The following ZNF385B variants were observed in gnomAD, a reference collection of about 807,000 sequenced individuals.
ZNF385B encodes the protein zinc finger protein 385B, also known as zinc finger protein 533.
ZNF385B carries 23 observed loss-of-function variants against 39.2 expected under a neutral mutation model. That is an observed-to-expected ratio of 0.59 (90% CI 0.42 to 0.83). The LOEUF (loss-of-function observed/expected upper bound fraction) is 0.83, where lower values mean the gene tolerates loss of function less well. Among genes scored for constraint, ZNF385B ranks in the 40% least tolerant of loss-of-function variants. The pLI, the probability that ZNF385B is intolerant of heterozygous loss-of-function variation, is 0.00. For synonymous variants in ZNF385B, 205 were observed against 222.6 expected (o/e 0.92, Z 0.70); for missense variants, 552 against 598.9 (o/e 0.92, Z 0.82).
At chr2:179,473,231 A>G (rs770235072) in intron 6 of ZNF385B, among the ~76,000 whole-genome samples, 2 of 152,140 alleles carry the variant, frequency 1.3e-5, no homozygotes, top group African/African-American at 4.8e-5. Flanking sequence ...GGCTCATGAA[A>G]CCTTAATATC....
At chr2:179,580,278 C>T (rs1304015206) in intron 3 of ZNF385B, among the ~76,000 whole-genome samples, 1 of 152,032 alleles carries the variant, frequency 6.6e-6, no homozygotes, top group Non-Finnish European at 1.5e-5. Flanking sequence ...CCAAACACTG[C>T]CATTAAACCA....
intron 1 of ZNF385B, among the ~76,000 whole-genome samples, chr2:179,833,804 C>G (rs537059964): frequency 1.8e-4 from 27 of 152,156 alleles, no homozygotes; most frequent in African/African-American, 5.5e-4. Context: ...CAATAAATAA[C>G]ATAACTGTAC....
At chr2:179,562,056 A>C (rs1488212825) in intron 3 of ZNF385B, among the ~76,000 whole-genome samples, 1 of 152,202 alleles carries the variant, frequency 6.6e-6, no homozygotes, top group Non-Finnish European at 1.5e-5. Context: ...GTTCTAACAT[A>C]GTTGAATTGA....
chr2:179,735,257 T>C (rs1289853583), intron 3 of ZNF385B, among the ~76,000 whole-genome samples: 2 of 149,908 alleles, frequency 1.3e-5, no homozygotes, highest in South Asian at 2.1e-4. Context: ...AAGACATTTA[T>C]GCAGCCAAAA....
intron 1 of ZNF385B, among the ~76,000 whole-genome samples, chr2:179,845,526 G>A (rs978007747): frequency 1.3e-5 from 2 of 152,162 alleles, no homozygotes; most frequent in African/African-American, 4.8e-5. Context: ...CAAGGATAAA[G>A]TCATCATCCA....
At chr2:179,811,684 G>A (rs899300075) in intron 1 of ZNF385B, among the ~76,000 whole-genome samples, 6 of 151,544 alleles carry the variant, frequency 4.0e-5, no homozygotes, top group Admixed American at 1.3e-4. Flanking sequence ...GACCTCAAAC[G>A]ATAAGAATCC....
intron 3 of ZNF385B, among the ~76,000 whole-genome samples, chr2:179,657,318 T>G (rs1575110263): frequency 6.6e-6 from 1 of 152,222 alleles, no homozygotes; most frequent in Non-Finnish European, 1.5e-5. Context: ...ATTTGCTGTT[T>G]GGTTCCTTTC....
chr2:179,584,060 A>G (rs765781918), intron 3 of ZNF385B: 237 of 691,622 alleles, frequency 3.4e-4, no homozygotes, highest in Non-Finnish European at 5.3e-4. Context: ...CCAAAAGCTT[A>G]TAGTCTACTG....
chr2:179,764,350 G>A (rs1240723834), intron 3 of ZNF385B, among the ~76,000 whole-genome samples: 1 of 151,432 alleles, frequency 6.6e-6, no homozygotes, highest in African/African-American at 2.4e-5. Context: ...TATTGATTTT[G>A]AAGTGAGTTT....
At chr2:179,481,474 T>C (rs2053989933) in intron 6 of ZNF385B, among the ~76,000 whole-genome samples, 1 of 152,054 alleles carries the variant, frequency 6.6e-6, no homozygotes, top group Non-Finnish European at 1.5e-5. Context: ...TCTTCTCTGA[T>C]TGTTCCATCT....
intron 5 of ZNF385B, among the ~76,000 whole-genome samples, chr2:179,488,387 G>A (rs1383147358): frequency 3.9e-5 from 6 of 152,060 alleles, no homozygotes; most frequent in Non-Finnish European, 8.8e-5. Context: ...CTCGTGATCC[G>A]CCCGCCTCGG....
intron 1 of ZNF385B, among the ~76,000 whole-genome samples, chr2:179,860,531 G>A (rs1326344752): frequency 6.6e-6 from 1 of 152,048 alleles, no homozygotes; most frequent in Non-Finnish European, 1.5e-5. Context: ...AGTGGCCGAG[G>A]CCGCCCGTCA....
chr2:179,443,524 A>C (rs2049167069), intron 9 of ZNF385B, 56 bp from the exon 10 acceptor site: 1 of 1,320,966 alleles, frequency 7.6e-7, no homozygotes, highest in Non-Finnish European at 1.1e-6. Context: ...GAATAACAGC[A>C]CCACAGGCAT....
intron 3 of ZNF385B, among the ~76,000 whole-genome samples, chr2:179,591,104 T>TACACACACACAG (rs1687519399): frequency 6.7e-6 from 1 of 149,708 alleles, no homozygotes; most frequent in Admixed American, 6.7e-5. Context: ...ATGATTCATT[T>TACACACACACAG]ACACACACAC....
chr2:179,758,083 C>G (rs760840945), intron 3 of ZNF385B, among the ~76,000 whole-genome samples: 1 of 152,094 alleles, frequency 6.6e-6, no homozygotes, highest in Non-Finnish European at 1.5e-5. Context: ...TGGAGCTGTT[C>G]CTATTTGGCC....
At chr2:179,707,660 C>A (rs772893263) in intron 3 of ZNF385B, among the ~76,000 whole-genome samples, 1 of 152,204 alleles carries the variant, frequency 6.6e-6, no homozygotes, top group Non-Finnish European at 1.5e-5. Flanking sequence ...GTGTCTTGGG[C>A]AGCCCAAGCA....
intron 3 of ZNF385B, among the ~76,000 whole-genome samples, chr2:179,743,465 CA>C (rs1319849707): frequency 6.6e-6 from 1 of 151,890 alleles, no homozygotes; most frequent in African/African-American, 2.4e-5. Context: ...TAATAATTAA[CA>C]AGAAAAAAAT....
At chr2:179,679,770 C>T (rs1220817236) in intron 3 of ZNF385B, among the ~76,000 whole-genome samples, 1 of 152,148 alleles carries the variant, frequency 6.6e-6, no homozygotes, top group East Asian at 1.9e-4. Context: ...TTCTAATGTG[C>T]TGTTCACAGT....
At chr2:179,522,807 G>A in intron 4 of ZNF385B, 1 of 342,658 alleles carries the variant, frequency 2.9e-6, no homozygotes, top group East Asian at 9.1e-5. Flanking sequence ...TAATTCATTA[G>A]GAAATAATAC....
Sources: gnomAD v4.1 joint callset for allele counts (sites outside exome capture counted in the v4.1 genomes callset) on GRCh38, gnomAD v4.1.1 for gene constraint, MANE v1.5 for transcripts, NCBI Gene and HGNC (gene_info 2026-07-23, HGNC 2026-07-21) for gene names.